NCAM1: variants seen among roughly 807,000 people sequenced by gnomAD.
NCAM1 encodes antigen recognized by monoclonal antibody 5.1H11.
Under a neutral mutation model 109.8 loss-of-function variants are expected in NCAM1, and 14 were observed. The ratio of observed to expected loss-of-function variants is 0.13; its 90% confidence interval spans 0.08 to 0.20. The LOEUF is 0.20. NCAM1 is among the 10% of genes least tolerant of loss of function. NCAM1 has a pLI of 1.00. For synonymous variants in NCAM1, 418 were observed against 442.9 expected, an observed-to-expected ratio of 0.94 and a Z score of 0.70; for missense variants, 774 against 1,109.9, an observed-to-expected ratio of 0.70 and a Z score of 4.30.
intron 1 of NCAM1, among the ~76,000 whole-genome samples, chr11:113,132,426 T>A (rs782766596): frequency 3.3e-5 from 5 of 151,872 alleles, no homozygotes; most frequent in South Asian, 2.1e-4. Flanking sequence ...CAGCTCTAGA[T>A]AATGTGTGTT....
intron 1 of NCAM1, among the ~76,000 whole-genome samples, chr11:113,136,364 G>A (rs1941596298): frequency 6.6e-6 from 1 of 152,162 alleles, no homozygotes; most frequent in Non-Finnish European, 1.5e-5. Context: ...GGTGTGTTGG[G>A]CTGTGGGGTG....
chr11:113,005,687 C>A (rs1285048724), intron 1 of NCAM1, among the ~76,000 whole-genome samples: 1 of 152,194 alleles, frequency 6.6e-6, no homozygotes, highest in Non-Finnish European at 1.5e-5. Context: ...GGAGACCTGG[C>A]AACCTATCTG....
At chr11:113,246,872 T>C (rs782368349) in intron 15 of NCAM1, among the ~76,000 whole-genome samples, 1 of 152,248 alleles carries the variant, frequency 6.6e-6, no homozygotes, top group Non-Finnish European at 1.5e-5. Context: ...GAGTGCTTCA[T>C]AAAATTCATG....
intron 1 of NCAM1, among the ~76,000 whole-genome samples, chr11:113,073,144 A>G (rs1938365032): frequency 6.6e-6 from 1 of 152,150 alleles, no homozygotes; most frequent in South Asian, 2.1e-4. Context: ...ACTTAGCATC[A>G]TGTCTTCAGG....
At chr11:113,066,767 G>C (rs1007034932) in intron 1 of NCAM1, among the ~76,000 whole-genome samples, 2 of 152,018 alleles carry the variant, frequency 1.3e-5, no homozygotes, top group African/African-American at 2.4e-5. Flanking sequence ...TTGGGAGGCC[G>C]AGGCGGGTGG....
chr11:113,241,728 G>A (rs1348166149), intron 14 of NCAM1, among the ~76,000 whole-genome samples: 2 of 152,228 alleles, frequency 1.3e-5, no homozygotes, highest in Non-Finnish European at 2.9e-5. Context: ...GGGAGGAATA[G>A]CAAAGTAAGA....
chr11:113,135,049 GA>G (rs1941548461), intron 1 of NCAM1, among the ~76,000 whole-genome samples: 1 of 152,104 alleles, frequency 6.6e-6, no homozygotes, highest in African/African-American at 2.4e-5. Context: ...TTCTGATGGT[GA>G]AAAAGGGCTG....
intron 10 of NCAM1, 109 bp downstream of exon 10, chr11:113,231,904 C>G: frequency 7.1e-7 from 1 of 1,416,458 alleles, no homozygotes; most frequent in Non-Finnish European, 9.8e-7. Flanking sequence ...GTTCTGCTTA[C>G]GTTCCCTGCA....
intron 1 of NCAM1, among the ~76,000 whole-genome samples, chr11:113,200,672 G>A (rs1476903393): frequency 2.0e-5 from 3 of 152,044 alleles, no homozygotes; most frequent in Non-Finnish European, 4.4e-5. Flanking sequence ...GACCCCTTTG[G>A]GCTCTCACAG....
At chr11:113,114,587 G>T (rs1639353374) in intron 1 of NCAM1, among the ~76,000 whole-genome samples, 1 of 152,012 alleles carries the variant, frequency 6.6e-6, no homozygotes, top group South Asian at 2.1e-4. Context: ...TCCTCTTCAG[G>T]CACTTCCCAG....
chr11:113,271,389 A>G (rs893216224), intron 18 of NCAM1, among the ~76,000 whole-genome samples: 10 of 151,592 alleles, frequency 6.6e-5, no homozygotes, highest in African/African-American at 9.7e-5. Flanking sequence ...AAAAAAAAAA[A>G]AAAAAAAGAA....
intron 1 of NCAM1, among the ~76,000 whole-genome samples, chr11:113,001,494 C>T (rs1241354032): frequency 1.3e-5 from 2 of 152,072 alleles, no homozygotes; most frequent in Non-Finnish European, 2.9e-5. Flanking sequence ...GAAGTAGGTA[C>T]AACAGTGCTC....
At chr11:113,231,965 C>G (rs1555117334) in intron 10 of NCAM1, among the ~76,000 whole-genome samples, 170 bp downstream of exon 10, 1 of 152,176 alleles carries the variant, frequency 6.6e-6, no homozygotes, top group South Asian at 2.1e-4. Context: ...CCCCTACACA[C>G]CATCTCCAGG....
At chr11:113,062,484 A>T (rs1937715613) in intron 1 of NCAM1, among the ~76,000 whole-genome samples, 1 of 152,170 alleles carries the variant, frequency 6.6e-6, no homozygotes, top group African/African-American at 2.4e-5. Context: ...TGCCCTCATG[A>T]ATCTCATGTC....
chr11:113,144,193 C>T (rs1223814047), intron 1 of NCAM1, among the ~76,000 whole-genome samples: 1 of 152,102 alleles, frequency 6.6e-6, no homozygotes, highest in Non-Finnish European at 1.5e-5. Context: ...AGGTGCCTTC[C>T]AGCTCTTCAG....
intron 7 of NCAM1, among the ~76,000 whole-genome samples, 180 bp from the exon 8 acceptor site, chr11:113,214,189 G>A (rs1201079681): frequency 6.6e-6 from 1 of 152,204 alleles, no homozygotes; most frequent in Non-Finnish European, 1.5e-5. Flanking sequence ...TGGTTTCCGT[G>A]TTGTCACATG....
chr11:113,029,811 T>G (rs1565392995), intron 1 of NCAM1, among the ~76,000 whole-genome samples: 1 of 152,194 alleles, frequency 6.6e-6, no homozygotes. Context: ...TTAAAAAAAT[T>G]TAAACTGAGC....
chr11:113,231,455 G>T, intron 9 of NCAM1, 190 bp from the exon 10 acceptor site: 3 of 866,620 alleles, frequency 3.5e-6, no homozygotes, highest in Non-Finnish European at 5.3e-6. Flanking sequence ...TTCTCATGCT[G>T]CTTCCCAGTG....
At chr11:112,990,239 C>T (rs1187886980) in intron 1 of NCAM1, among the ~76,000 whole-genome samples, 1 of 152,126 alleles carries the variant, frequency 6.6e-6, no homozygotes, top group Admixed American at 6.5e-5. Context: ...TCTCTGGGTC[C>T]CTGGGACATC....
Sources: allele counts gnomAD v4.1 joint callset (sites outside exome capture counted in the v4.1 genomes callset), GRCh38; gene constraint gnomAD v4.1.1; transcripts MANE v1.5; gene names NCBI Gene and HGNC (gene_info 2026-07-23, HGNC 2026-07-21).